Variants in RARB observed in about 807,000 individuals in gnomAD.
The protein encoded by RARB is retinoic acid receptor beta.
RARB carries 17 observed loss-of-function variants against 51.9 expected under a neutral mutation model. The observed-to-expected ratio is 0.33, with a 90% CI of 0.22 to 0.49. The LOEUF is 0.49. Among genes scored for constraint, RARB ranks in the 20% least tolerant of loss-of-function variants. The pLI is 0.99. For missense variants in RARB, 369 were observed against 550.8 expected (o/e 0.67, Z 3.30); for synonymous variants, 215 against 195.4 (o/e 1.10, Z -0.84).
chr3:25,505,975 T>A (rs559662398), intron 3 of RARB, among the ~76,000 whole-genome samples: 25 of 152,206 alleles, frequency 1.6e-4, no homozygotes, highest in Non-Finnish European at 3.7e-4. Context: ...AAGATGATAC[T>A]GTTTAGAAAC....
intron 2 of RARB, among the ~76,000 whole-genome samples, chr3:24,889,000 T>A (rs1703320256): frequency 6.6e-6 from 1 of 152,184 alleles, no homozygotes; most frequent in Admixed American, 6.5e-5. Flanking sequence ...TGAATTTCCT[T>A]CTTTAATTGG....
chr3:25,038,797 A>G (rs147402843), intron 2 of RARB, among the ~76,000 whole-genome samples: 268 of 152,318 alleles, frequency 1.8e-3, no homozygotes, highest in Admixed American at 3.4e-3. Flanking sequence ...CTTGAGATTT[A>G]TTAACTACCA....
At chr3:24,958,786 A>G (rs934936344) in intron 2 of RARB, among the ~76,000 whole-genome samples, 3 of 152,212 alleles carry the variant, frequency 2.0e-5, no homozygotes, top group African/African-American at 7.2e-5. Context: ...ATATGACAAC[A>G]TAGCCACTGT....
At chr3:24,890,413 C>T (rs1703355733) in intron 2 of RARB, among the ~76,000 whole-genome samples, 2 of 152,134 alleles carry the variant, frequency 1.3e-5, no homozygotes. Context: ...CTCAGGCTTT[C>T]TGAGAGTTTG....
intron 4 of RARB, among the ~76,000 whole-genome samples, chr3:25,168,060 T>C (rs1324229214): frequency 1.3e-5 from 2 of 152,176 alleles, no homozygotes; most frequent in African/African-American, 2.4e-5. Context: ...ATAAACTTCC[T>C]CTTTATAATA....
At chr3:24,874,494 A>G (rs953951016) in intron 2 of RARB, among the ~76,000 whole-genome samples, 1 of 152,052 alleles carries the variant, frequency 6.6e-6, no homozygotes, top group African/African-American at 2.4e-5. Flanking sequence ...AGGTACAGAT[A>G]AGTTTACGTA....
intron 3 of RARB, among the ~76,000 whole-genome samples, chr3:25,069,060 A>G (rs1352048886): frequency 4.6e-5 from 7 of 151,762 alleles, no homozygotes; most frequent in African/African-American, 1.7e-4. Flanking sequence ...GACCTCCCAT[A>G]CTCATCATGG....
chr3:24,978,135 C>G (rs1696559836), intron 2 of RARB, among the ~76,000 whole-genome samples: 1 of 152,136 alleles, frequency 6.6e-6, no homozygotes, highest in Non-Finnish European at 1.5e-5. Context: ...TTTTGATGTG[C>G]TGCTGGATTC....
intron 5 of RARB, among the ~76,000 whole-genome samples, chr3:25,281,671 T>C (rs938539807): frequency 6.6e-6 from 1 of 152,108 alleles, no homozygotes; most frequent in Non-Finnish European, 1.5e-5. Context: ...GTTGCCAGGG[T>C]TTCTAGTAGC....
chr3:25,158,075 C>T (rs1205488427), intron 4 of RARB, among the ~76,000 whole-genome samples: 1 of 152,198 alleles, frequency 6.6e-6, no homozygotes, highest in Non-Finnish European at 1.5e-5. Context: ...AGTTAAACTA[C>T]TTTAAACATA....
chr3:25,591,611 C>T (rs1367934179), intron 5 of RARB, among the ~76,000 whole-genome samples: 1 of 152,164 alleles, frequency 6.6e-6, no homozygotes, highest in East Asian at 1.9e-4. Flanking sequence ...AGTAACAATT[C>T]ATGGGTTGAT....
At chr3:24,940,207 T>C (rs1423366166) in intron 2 of RARB, among the ~76,000 whole-genome samples, 3 of 152,160 alleles carry the variant, frequency 2.0e-5, no homozygotes, top group Non-Finnish European at 4.4e-5. Context: ...GTTTCATCTT[T>C]TCGTAGTACA....
intron 5 of RARB, among the ~76,000 whole-genome samples, chr3:25,395,505 C>G (rs1269213340): frequency 6.6e-6 from 1 of 152,110 alleles, no homozygotes; most frequent in South Asian, 2.1e-4. Context: ...TTTCCAAACT[C>G]TTAAATTTCT....
chr3:24,982,114 A>C (rs190242428), intron 2 of RARB, among the ~76,000 whole-genome samples: 27 of 152,298 alleles, frequency 1.8e-4, no homozygotes, highest in Admixed American at 4.6e-4. Context: ...CCCTGCTGGC[A>C]TGTGTGGTCA....
At position 25,245,642 on chromosome 3, in the gene RARB, C is replaced by T. The variant is rs554421409; in HGVS notation, c.178+71067C>T. On this transcript the variant is annotated intron_variant, in intron 5 of 11. Transcript: ENST00000383772. Reference sequence around the variant, plus strand: ...GTTGAATATTGGCCCCCACTCTCTTCTTGCTTGTAGGGTTTCTGAAGAGAG... The same window carrying T: ...GTTGAATATTGGCCCCCACTCTCTTTTTGCTTGTAGGGTTTCTGAAGAGAG... Among the ~76,000 whole-genome samples, 32 of 152,296 alleles carry T rather than the reference C, an allele frequency of 2.1e-4. 2 individuals are homozygous for T. The South Asian group carries it at 3.9e-3, about 19-fold the overall frequency.
In RARB at chr3:25,389,037, A is replaced by G. The variant is rs73157850; in HGVS notation, c.179-72156A>G. Among the ~76,000 whole-genome samples the G allele has an allele frequency of 5.5e-3, 835 of 152,306 alleles. 7 individuals are homozygous for G. Among genetic ancestry groups the G allele is most frequent in the African/African-American group, 0.019 (790 of 41,560 alleles). On this transcript the variant is annotated intron_variant, in intron 5 of 11. Transcript: ENST00000383772. ...GTTGCAAGAAAGAAGGAAAAGGAAGATGATGAAAATAGCTTCATAATATAT... is the reference window on the plus strand; with the variant it reads ...GTTGCAAGAAAGAAGGAAAAGGAAGGTGATGAAAATAGCTTCATAATATAT...
At chr3:24,913,052 C>T (rs910376422) in intron 2 of RARB, among the ~76,000 whole-genome samples, 1 of 137,246 alleles carries the variant, frequency 7.3e-6, no homozygotes, top group Non-Finnish European at 1.5e-5. Flanking sequence ...GCCTTCTCGG[C>T]TCACTGCAAG....
At chr3:25,330,847 AC>A (rs1704871824) in intron 5 of RARB, among the ~76,000 whole-genome samples, 1 of 151,974 alleles carries the variant, frequency 6.6e-6, no homozygotes, top group Admixed American at 6.6e-5. Context: ...AAATAAAAAA[AC>A]AAACAAAAAA....
chr3:25,308,584 G>A (rs1250216172), intron 5 of RARB, among the ~76,000 whole-genome samples: 3 of 151,902 alleles, frequency 2.0e-5, no homozygotes, highest in Non-Finnish European at 4.4e-5. Flanking sequence ...GAGTAGCTGG[G>A]ATTACAGGCA....
Sources: gnomAD v4.1 joint callset for allele counts (sites outside exome capture counted in the v4.1 genomes callset) on GRCh38, gnomAD v4.1.1 for gene constraint, MANE v1.5 for transcripts, NCBI Gene and HGNC (gene_info 2026-07-23, HGNC 2026-07-21) for gene names.